The following MATR3 variants were observed in gnomAD, a reference collection of about 807,000 sequenced individuals.
The protein encoded by MATR3 is matrin 3, also known as matrin-3.
Under a neutral mutation model 85.5 loss-of-function variants are expected in MATR3, and 4 were observed. The observed-to-expected ratio is 0.05, with a 90% CI of 0.02 to 0.11. The LOEUF (loss-of-function observed/expected upper bound fraction) is 0.11, where lower values mean the gene tolerates loss of function less well. Among genes scored for constraint, MATR3 ranks in the 10% least tolerant of loss-of-function variants. The pLI, the probability that MATR3 is intolerant of heterozygous loss-of-function variation, is 1.00. For synonymous variants in MATR3, 336 were observed against 343.1 expected (o/e 0.98, Z 0.23); for missense variants, 685 against 1,016.1 (o/e 0.67, Z 4.43).
At chr5:139,306,879 T>C (rs1554146254) in intron 1 of MATR3, among the ~76,000 whole-genome samples, 2 of 152,156 alleles carry the variant, frequency 1.3e-5, no homozygotes, top group Non-Finnish European at 2.9e-5. Flanking sequence ...TTTAGTCTTC[T>C]GGAACTTAAG....
intron 1 of MATR3, among the ~76,000 whole-genome samples, chr5:139,300,329 C>T (rs1276451619): frequency 2.0e-5 from 3 of 152,176 alleles, no homozygotes; most frequent in African/African-American, 7.2e-5. Context: ...CACGCCATTG[C>T]ACTCCAGGCC....
At chr5:139,322,549 T>A (rs1456598019) in intron 11 of MATR3, 43 bp downstream of exon 11, 1 of 1,584,074 alleles carries the variant, frequency 6.3e-7, no homozygotes, top group African/African-American at 1.3e-5. Flanking sequence ...ATATTCAACT[T>A]TACTTTTTCA....
At chr5:139,285,928 A>C (rs1180251794) in intron 3 of MATR3, among the ~76,000 whole-genome samples, 1 of 152,206 alleles carries the variant, frequency 6.6e-6, no homozygotes, top group Non-Finnish European at 1.5e-5. Flanking sequence ...CCATATACGC[A>C]CTTTGGGTAT....
At chr5:139,304,990 C>G (rs1443748589) in intron 1 of MATR3, among the ~76,000 whole-genome samples, 1 of 152,146 alleles carries the variant, frequency 6.6e-6, no homozygotes, top group African/African-American at 2.4e-5. Context: ...CAACTTTGTT[C>G]TAATAAAACC....
intron 2 of MATR3, chr5:139,310,433 T>A (rs1156312061): frequency 6.6e-6 from 1 of 152,194 alleles, no homozygotes; most frequent in East Asian, 1.9e-4. Context: ...TGCTTTACTA[T>A]GTTTTTTACG....
chr5:139,311,267 A>G (rs961238239), intron 2 of MATR3: 4 of 152,150 alleles, frequency 2.6e-5, no homozygotes, highest in African/African-American at 9.7e-5. Flanking sequence ...TCTATAAGGT[A>G]TCTCAGATAC....
intron 3 of MATR3, among the ~76,000 whole-genome samples, chr5:139,281,614 A>C (rs764579468): frequency 4.0e-5 from 6 of 151,840 alleles, no homozygotes; most frequent in African/African-American, 1.2e-4. Context: ...CAGCCTCCCA[A>C]AGTGCTGGAT....
At chr5:139,325,834 G>T (rs1755827400) in intron 13 of MATR3, among the ~76,000 whole-genome samples, 172 bp downstream of exon 13, 1 of 152,172 alleles carries the variant, frequency 6.6e-6, no homozygotes, top group East Asian at 1.9e-4. Flanking sequence ...TTCCTCTCAT[G>T]CATGTCTCTG....
chr5:139,324,450 G>A lies in MATR3; in HGVS notation c.2149-990G>A, dbSNP rs577703118. ...GGATTACAGGTGTCCACCACCACAC[G>A]AGGCTAATTCTTGTATTTTTAGTAG... On this transcript the variant is annotated intron_variant, in intron 12 of 14. Transcript: ENST00000394805. Among the ~76,000 whole-genome samples, 4 of 151,908 alleles carry A rather than the reference G, an allele frequency of 2.6e-5. No homozygotes were observed. In the South Asian group the frequency reaches 8.3e-4, roughly 31 times the overall value.
intron 3 of MATR3, among the ~76,000 whole-genome samples, chr5:139,281,356 G>GTTTTTTTT (rs1371325133): frequency 2.0e-4 from 20 of 101,022 alleles, no homozygotes; most frequent in Admixed American, 3.2e-4. Context: ...TTTTTTTTTT[G>GTTTTTTTT]TTTTTTTTTT....
At chr5:139,325,736 T>C (rs1755823369) in intron 13 of MATR3, 74 bp downstream of exon 13, 2 of 1,352,732 alleles carry the variant, frequency 1.5e-6, no homozygotes, top group Admixed American at 3.4e-5. Context: ...AAATAAGATT[T>C]TAAAGTTGGT....
intron 3 of MATR3, among the ~76,000 whole-genome samples, chr5:139,281,748 T>C (rs1753537110): frequency 6.6e-6 from 1 of 152,202 alleles, no homozygotes; most frequent in African/African-American, 2.4e-5. Flanking sequence ...GGCTGCCAGC[T>C]GCCATAGGTA....
At chr5:139,319,702 T>C (rs779637444) in intron 9 of MATR3, among the ~76,000 whole-genome samples, 7 of 151,378 alleles carry the variant, frequency 4.6e-5, no homozygotes, top group Non-Finnish European at 8.8e-5. Flanking sequence ...ACAAAAATTA[T>C]CCAGGCGTGA....
upstream of MATR3, among the ~76,000 whole-genome samples, chr5:139,290,037 C>T (rs894665307): frequency 1.3e-5 from 2 of 152,170 alleles, no homozygotes; most frequent in Non-Finnish European, 2.9e-5. Context: ...TCTGTGCTTT[C>T]CTTCCTCTGC....
chr5:139,312,656 A>T (rs1381646909), intron 2 of MATR3: 3 of 152,022 alleles, frequency 2.0e-5, no homozygotes, highest in African/African-American at 7.2e-5. Context: ...TTTTATTTTT[A>T]TTTATTTATT....
At chr5:139,299,642 A>G (rs1374842894) in intron 1 of MATR3, among the ~76,000 whole-genome samples, 1 of 152,230 alleles carries the variant, frequency 6.6e-6, no homozygotes, top group Admixed American at 6.5e-5. Context: ...TGGGCAACAG[A>G]GGAAGACCCT....
intron 14 of MATR3, among the ~76,000 whole-genome samples, chr5:139,328,152 A>G (rs987092453): frequency 2.0e-5 from 3 of 151,326 alleles, no homozygotes; most frequent in Non-Finnish European, 4.4e-5. Context: ...GTGAGCCATC[A>G]TGCCCGGCCT....
intron 3 of MATR3, among the ~76,000 whole-genome samples, chr5:139,286,830 C>G (rs1753721205): frequency 7.5e-6 from 1 of 132,744 alleles, no homozygotes; most frequent in African/African-American, 2.6e-5. Flanking sequence ...GGCAAGAGAG[C>G]CAGACTCCGT....
upstream of MATR3, among the ~76,000 whole-genome samples, chr5:139,288,859 G>C (rs1268312913): frequency 6.6e-6 from 1 of 152,010 alleles, no homozygotes; most frequent in Non-Finnish European, 1.5e-5. Context: ...AGAAAGGATG[G>C]TCTCGATCTG....
Sources: gnomAD v4.1 joint callset for allele counts (sites outside exome capture counted in the v4.1 genomes callset) on GRCh38, gnomAD v4.1.1 for gene constraint, MANE v1.5 for transcripts, NCBI Gene and HGNC (gene_info 2026-07-23, HGNC 2026-07-21) for gene names.